TMEM30A: variants seen among roughly 807,000 people sequenced by gnomAD.
The protein encoded by TMEM30A is cell cycle control protein 50A.
TMEM30A carries 24 observed loss-of-function variants against 38.2 expected under a neutral mutation model. The observed-to-expected ratio is 0.63, with a 90% CI of 0.46 to 0.88. TMEM30A has a LOEUF of 0.88. Among genes scored for constraint, TMEM30A ranks in the 40% least tolerant of loss-of-function variants. The probability of loss-of-function intolerance (pLI) is 0.00; values close to 1 mark genes in which losing one functional copy is unlikely to be tolerated. For missense variants in TMEM30A, 370 were observed against 458.6 expected, an observed-to-expected ratio of 0.81 and a Z score of 1.77; for synonymous variants, 145 against 161.6, an observed-to-expected ratio of 0.90 and a Z score of 0.78.
At chr6:75,281,110 T>C (rs1435202494) in intron 1 of TMEM30A, among the ~76,000 whole-genome samples, 2 of 152,110 alleles carry the variant, frequency 1.3e-5, no homozygotes, top group Non-Finnish European at 2.9e-5. Context: ...TTAAATGTTT[T>C]TGGCAACACT....
At chr6:75,270,237 T>A (rs1052838165) in intron 1 of TMEM30A, among the ~76,000 whole-genome samples, 2 of 152,238 alleles carry the variant, frequency 1.3e-5, no homozygotes, top group East Asian at 1.9e-4. Flanking sequence ...ATTTTCACCA[T>A]CCTACTAGGT....
At chr6:75,265,879 T>C (rs958625210) in intron 2 of TMEM30A, among the ~76,000 whole-genome samples, 59 of 152,028 alleles carry the variant, frequency 3.9e-4, no homozygotes, top group African/African-American at 1.3e-3. Context: ...TCATTTTTTT[T>C]GTCCAAGTGA....
chr6:75,264,045 A>G (rs899914251), intron 3 of TMEM30A, among the ~76,000 whole-genome samples: 1 of 152,192 alleles, frequency 6.6e-6, no homozygotes, highest in African/African-American at 2.4e-5. Flanking sequence ...GAGTGCTAAA[A>G]ATTGGATCCT....
rs764239102 is a variant in TMEM30A at position 75,284,655 on chromosome 6, G to T, written c.-17C>A. 6.2e-6 allele frequency: 10 copies of T among 1,610,404 alleles called. No individual in the cohort carries two copies. Among genetic ancestry groups the T allele is most frequent in the Non-Finnish European group, 8.5e-6 (10 of 1,179,538 alleles). ...CATCGCCATCGATCCCTGGGGCGCC[G>T]CTCCGCGATTTGCAGGTGGACCACC... is the stretch of plus-strand genomic sequence containing the variant. On this transcript the variant is annotated 5_prime_UTR_variant, in exon 1 of 7. Transcript: ENST00000230461.
intron 3 of TMEM30A, among the ~76,000 whole-genome samples, chr6:75,263,433 G>A (rs970484026): frequency 1.3e-5 from 2 of 152,198 alleles, no homozygotes; most frequent in Non-Finnish European, 2.9e-5. Context: ...CTGGAAAGGA[G>A]CAGGATTGGA....
In TMEM30A at chr6:75,255,974, G is replaced by A. The variant is rs1408463531; in HGVS notation, c.*128C>T. On this transcript the variant is annotated 3_prime_UTR_variant, in exon 7 of 7. Transcript: ENST00000230461. ...AGGGAAGAAGCAAACAACAAAGACT[G>A]CTTTTTTTTAGAAAAGTTATGTGCC... The A allele has an allele frequency of 7.8e-6, 5 of 638,330 alleles. No homozygotes were observed. In the East Asian group the frequency reaches 1.4e-4, roughly 18 times the overall value. The allele number at this position is 638,330 out of a possible 1,614,324, so 39.5% of individuals were successfully genotyped here. A position where few individuals can be genotyped will look rare whatever the true frequency, so the allele number is the denominator to read the frequency against.
At chr6:75,260,171 C>T (rs987357056) in intron 4 of TMEM30A, among the ~76,000 whole-genome samples, 2 of 151,886 alleles carry the variant, frequency 1.3e-5, no homozygotes, top group Non-Finnish European at 2.9e-5. Flanking sequence ...CTTGGGAGGC[C>T]GAAGTGGGCG....
In TMEM30A at chr6:75,258,708, A is replaced by G. The variant is rs566552834; in HGVS notation, c.892+72T>C. The G allele has an allele frequency of 7.4e-6, 10 of 1,355,522 alleles. No homozygotes were observed. The African/African-American group carries it at 1.2e-4, about 16-fold the overall frequency. 84.0% of individuals were successfully genotyped at this position (1,355,522 alleles called of 1,614,324 possible). On this transcript the variant is annotated intron_variant, in intron 6 of 6. Coordinates refer to ENST00000230461, the MANE Select transcript of TMEM30A (RefSeq NM_018247.4). ...ACTAAAGCACAAGGTAACATGCCACATAACAGATATAAGGTTGGACTCGAC... is the reference window on the plus strand; with the variant it reads ...ACTAAAGCACAAGGTAACATGCCACGTAACAGATATAAGGTTGGACTCGAC...
chr6:75,258,676 G>A, intron 6 of TMEM30A, 104 bp downstream of exon 6: 12 of 986,990 alleles, frequency 1.2e-5, no homozygotes, highest in South Asian at 6.4e-5. Flanking sequence ...AAAATGCAGA[G>A]ACCAAAACTA....
rs58997024 is a variant in TMEM30A at position 75,263,374 on chromosome 6, T to A, written c.453+1857A>T. On this transcript the variant is annotated intron_variant, in intron 3 of 6. Transcript: ENST00000230461. ...CACTGAAAGATTTTAGGTAGGGAAG[T>A]GATATTTATACTTTTTAAAAACTTC... Among the ~76,000 whole-genome samples the A allele has an allele frequency of 7.8e-3, 1,192 of 152,270 alleles. 15 individuals are homozygous for A. Among genetic ancestry groups the A allele is most frequent in the African/African-American group, 0.027 (1,140 of 41,524 alleles).
chr6:75,278,230 C>T (rs952717483), intron 1 of TMEM30A, among the ~76,000 whole-genome samples: 1 of 152,210 alleles, frequency 6.6e-6, no homozygotes, highest in African/African-American at 2.4e-5. Context: ...TAGCTCTCAT[C>T]CTGATGACAT....
chr6:75,278,186 G>A (rs761630489), intron 1 of TMEM30A, among the ~76,000 whole-genome samples: 24 of 152,198 alleles, frequency 1.6e-4, no homozygotes, highest in African/African-American at 3.9e-4. Context: ...TAATTCCAGC[G>A]TCTAAACTAC....
At chr6:75,283,739 C>T (rs866333816) in intron 1 of TMEM30A, among the ~76,000 whole-genome samples, 5 of 151,774 alleles carry the variant, frequency 3.3e-5, no homozygotes, top group African/African-American at 1.2e-4. Flanking sequence ...AAAGCAAAAC[C>T]AGAATTGAAG....
intron 1 of TMEM30A, 76 bp downstream of exon 1, chr6:75,284,326 G>T: frequency 7.1e-7 from 1 of 1,412,398 alleles, no homozygotes. Context: ...TCTGGGCGCT[G>T]GGAAAGAAGT....
intron 1 of TMEM30A, among the ~76,000 whole-genome samples, chr6:75,280,236 T>C (rs1167474248): frequency 6.6e-6 from 1 of 152,146 alleles, no homozygotes; most frequent in Non-Finnish European, 1.5e-5. Context: ...GACTAGAACA[T>C]GTAAATTAAA....
chr6:75,261,515 C>T (rs1336154361), intron 3 of TMEM30A, among the ~76,000 whole-genome samples: 1 of 152,154 alleles, frequency 6.6e-6, no homozygotes, highest in Non-Finnish European at 1.5e-5. Flanking sequence ...GAACATTTGC[C>T]TGTGGTCCAG....
At chr6:75,265,052 G>A (rs1045386491) in intron 3 of TMEM30A, among the ~76,000 whole-genome samples, 179 bp downstream of exon 3, 1 of 151,842 alleles carries the variant, frequency 6.6e-6, no homozygotes, top group African/African-American at 2.4e-5. Flanking sequence ...AGCTGAGACT[G>A]TGCCACTGCA....
chr6:75,283,160 GAAGT>G lies in TMEM30A; in HGVS notation c.237+1238_237+1241del, dbSNP rs776617313. Among the ~76,000 whole-genome samples, 241 of 152,224 alleles carry G rather than the reference GAAGT, an allele frequency of 1.6e-3. 3 individuals carry two copies. The highest frequency in any genetic ancestry group is 1.5e-3 in the East Asian group (8 of 5,186). ...TATTCTTATTACTGTCATCAACACT[GAAGT>G]AAGCACTGTAGAATTACAAAATACA... On this transcript the variant is annotated intron_variant, in intron 1 of 6. Transcript: ENST00000230461.
chr6:75,279,951 TA>T (rs1772330070), intron 1 of TMEM30A, among the ~76,000 whole-genome samples: 1 of 152,172 alleles, frequency 6.6e-6, no homozygotes, highest in South Asian at 2.1e-4. Flanking sequence ...CAAATTAAGT[TA>T]AAAATCATAT....
Sources: gnomAD v4.1 joint callset for allele counts (sites outside exome capture counted in the v4.1 genomes callset) on GRCh38, gnomAD v4.1.1 for gene constraint, MANE v1.5 for transcripts, NCBI Gene and HGNC (gene_info 2026-07-23, HGNC 2026-07-21) for gene names.